CHD9: variants seen among roughly 807,000 people sequenced by gnomAD.
CHD9 encodes ATP-dependent chromatin remodeler CHD9.
CHD9 carries 77 observed loss-of-function variants against 316.1 expected under a neutral mutation model. That is an observed-to-expected ratio of 0.24 (90% CI 0.20 to 0.29). The LOEUF (loss-of-function observed/expected upper bound fraction) is 0.29, where lower values mean the gene tolerates loss of function less well. CHD9 is among the 10% of genes least tolerant of loss of function. CHD9 has a pLI of 1.00. For synonymous variants in CHD9, 1,129 were observed against 1,158.3 expected, an observed-to-expected ratio of 0.97 and a Z score of 0.51; for missense variants, 2,763 against 3,438.1, an observed-to-expected ratio of 0.80 and a Z score of 4.91.
intron 3 of CHD9, among the ~76,000 whole-genome samples, chr16:53,210,172 T>G (rs1309337294): frequency 6.6e-6 from 1 of 152,106 alleles, no homozygotes; most frequent in African/African-American, 2.4e-5. Context: ...GCATTGAAAT[T>G]CTTTATAAGA....
At chr16:53,103,186 A>G (rs866206724) in intron 1 of CHD9, among the ~76,000 whole-genome samples, 33 of 115,876 alleles carry the variant, frequency 2.8e-4, no homozygotes, top group African/African-American at 1.1e-3. Flanking sequence ...GGTAGATTTT[A>G]TTTGTTTTTT....
intron 20 of CHD9, among the ~76,000 whole-genome samples, chr16:53,265,293 G>A (rs1001920399): frequency 2.0e-5 from 3 of 152,050 alleles, no homozygotes; most frequent in African/African-American, 4.8e-5. Context: ...TCCTAGTTAC[G>A]AAGGAGCCTG....
intron 22 of CHD9, among the ~76,000 whole-genome samples, chr16:53,270,432 A>C (rs891535566): frequency 6.6e-6 from 1 of 152,132 alleles, no homozygotes; most frequent in African/African-American, 2.4e-5. Context: ...AGGCTTTATC[A>C]CTAAATAGAT....
intron 22 of CHD9, among the ~76,000 whole-genome samples, chr16:53,268,921 A>G (rs953243856): frequency 6.6e-6 from 1 of 151,858 alleles, no homozygotes; most frequent in African/African-American, 2.4e-5. Flanking sequence ...TTCTGCCTCA[A>G]CCTCCTGAGT....
At chr16:53,300,961 T>G (rs1162684099) in intron 30 of CHD9, among the ~76,000 whole-genome samples, 1 of 152,156 alleles carries the variant, frequency 6.6e-6, no homozygotes, top group Admixed American at 6.5e-5. Flanking sequence ...TAATCCCAGC[T>G]ATTCAGAAGG....
intron 17 of CHD9, among the ~76,000 whole-genome samples, chr16:53,251,034 A>G (rs2152968186): frequency 6.6e-6 from 1 of 152,354 alleles, no homozygotes; most frequent in South Asian, 2.1e-4. Context: ...TATGTAATCT[A>G]CTTTAAAATA....
At chr16:53,248,535 T>G (rs1490589361) in intron 16 of CHD9, among the ~76,000 whole-genome samples, 1 of 146,946 alleles carries the variant, frequency 6.8e-6, no homozygotes, top group Non-Finnish European at 1.5e-5. Context: ...TGTTTTTTTT[T>G]TTTTTTTGAA....
intron 2 of CHD9, chr16:53,207,944 C>A: frequency 1.4e-6 from 1 of 691,390 alleles, no homozygotes; most frequent in Non-Finnish European, 1.8e-6. Context: ...CATCTGCTGG[C>A]CTACTTCCGC....
chr16:53,286,317 A>G lies in CHD9; in HGVS notation c.5163A>G (p.Glu1721=). ...GKPDEKAVAA[E]QRANDYMDGD... ...CTGATGAGAAAGCAGTTGCTGCTGAACAGAGAGCGAATGATTATATGGATG... is the reference window on the plus strand; with the variant it reads ...CTGATGAGAAAGCAGTTGCTGCTGAGCAGAGAGCGAATGATTATATGGATG... Residue 1721 remains glutamate (E), a synonymous_variant, in exon 26 of 39, where the codon GAA becomes GAG. Coordinates refer to ENST00000447540, the MANE Select transcript of CHD9 (RefSeq NM_001308319.2). 8.1e-6 allele frequency: 13 copies of G among 1,609,450 alleles called. No individual in the cohort carries two copies. The highest frequency in any genetic ancestry group is 1.1e-5 in the Non-Finnish European group (13 of 1,175,848).
intron 3 of CHD9, among the ~76,000 whole-genome samples, chr16:53,216,208 T>C (rs542793029): frequency 2.0e-5 from 3 of 152,316 alleles, no homozygotes; most frequent in East Asian, 3.9e-4. Flanking sequence ...GTAAACTCTT[T>C]GTAATCCATG....
At chr16:53,310,421 A>G (rs1411900207) in intron 34 of CHD9, among the ~76,000 whole-genome samples, 1 of 151,984 alleles carries the variant, frequency 6.6e-6, no homozygotes, top group East Asian at 1.9e-4. Context: ...CACTACTCTT[A>G]CTGTTTAAAA....
In CHD9 at chr16:53,091,048, C is replaced by T. The variant is rs547556568; in HGVS notation, c.-165+35971C>T. Among the ~76,000 whole-genome samples the T allele has an allele frequency of 2.6e-5, 4 of 152,316 alleles. No homozygotes were observed. In the South Asian group the frequency reaches 8.3e-4, roughly 32 times the overall value. On this transcript the variant is annotated intron_variant, in intron 1 of 38. Coordinates refer to ENST00000447540, the MANE Select transcript of CHD9 (RefSeq NM_001308319.2). ...TGAGGCTCAGCTTCCTTCCTCTCCC[C>T]CGCCCTTGGGCTCTCAGTCCCACAC...
intron 36 of CHD9, among the ~76,000 whole-genome samples, chr16:53,315,723 G>A (rs1027025005): frequency 1.3e-5 from 2 of 151,904 alleles, no homozygotes; most frequent in Non-Finnish European, 2.9e-5. Flanking sequence ...CAAGCAATCC[G>A]CCTGCTCAGC....
chr16:53,277,785 G>C (rs35631308), intron 24 of CHD9, among the ~76,000 whole-genome samples: 4 of 151,954 alleles, frequency 2.6e-5, no homozygotes, highest in African/African-American at 9.6e-5. Flanking sequence ...AGAAAGAAAG[G>C]GCATCCAAAT....
In CHD9 at chr16:53,296,687, C is replaced by T. The variant is rs188345851; in HGVS notation, c.5511-269C>T. ...GTCTCTATCTCCTGACCTTGCGATCCGCCCGCCTCGGCCTCCCAAAGTGCT... is the reference window on the plus strand; with the variant it reads ...GTCTCTATCTCCTGACCTTGCGATCTGCCCGCCTCGGCCTCCCAAAGTGCT... On this transcript the variant is annotated intron_variant, in intron 29 of 38. Transcript: ENST00000447540. Among the ~76,000 whole-genome samples the T allele has an allele frequency of 2.3e-3, 354 of 151,882 alleles. 1 individual carries two copies. Among genetic ancestry groups the T allele is most frequent in the African/African-American group, 8.0e-3 (330 of 41,466 alleles).
intron 1 of CHD9, among the ~76,000 whole-genome samples, chr16:53,149,338 T>C (rs927855096): frequency 1.3e-5 from 2 of 152,212 alleles, no homozygotes; most frequent in Non-Finnish European, 2.9e-5. Context: ...CTATCTATTA[T>C]TGAAAATGAG....
At chr16:53,257,496 A>G (rs1597679954) in intron 19 of CHD9, among the ~76,000 whole-genome samples, 1 of 152,218 alleles carries the variant, frequency 6.6e-6, no homozygotes, top group Non-Finnish European at 1.5e-5. Context: ...AACCAGGGTC[A>G]TGGAGACCTA....
chr16:53,239,015 G>A (rs1261262185), intron 12 of CHD9, among the ~76,000 whole-genome samples: 1 of 151,978 alleles, frequency 6.6e-6, no homozygotes, highest in Non-Finnish European at 1.5e-5. Context: ...TGAGACCATA[G>A]GTTCTCTTTC....
In CHD9 at chr16:53,206,457, T is replaced by C. The variant is rs115322793; in HGVS notation, c.1453-3025T>C. 4.1e-3 allele frequency among the ~76,000 whole-genome samples: 622 copies of C among 152,206 alleles called. 4 individuals are homozygous for C. The highest frequency in any genetic ancestry group is 0.014 in the African/African-American group (596 of 41,528). On this transcript the variant is annotated intron_variant, in intron 2 of 38. Transcript: ENST00000447540. Reference sequence around the variant, plus strand: ...TTGTCCTCAAATTAAACTCTGTAAATTATGATAGTTGAACCAAACATGATT... The same window carrying C: ...TTGTCCTCAAATTAAACTCTGTAAACTATGATAGTTGAACCAAACATGATT...
Sources: gnomAD v4.1 joint callset for allele counts (sites outside exome capture counted in the v4.1 genomes callset) on GRCh38, gnomAD v4.1.1 for gene constraint, MANE v1.5 for transcripts, NCBI Gene and HGNC (gene_info 2026-07-23, HGNC 2026-07-21) for gene names.